Variants in RGS17 observed in about 807,000 individuals in gnomAD.
RGS17 encodes regulator of G protein signaling 17.
A neutral mutation model predicts 25.5 loss-of-function variants in RGS17; 12 were observed. The observed-to-expected ratio is 0.47, with a 90% CI of 0.30 to 0.76. The LOEUF is 0.76. Among genes scored for constraint, RGS17 ranks in the 30% least tolerant of loss-of-function variants. The pLI, the probability that RGS17 is intolerant of heterozygous loss-of-function variation, is 0.07. For missense variants in RGS17, 196 were observed against 242.2 expected, an observed-to-expected ratio of 0.81 and a Z score of 1.27; for synonymous variants, 71 against 76.9, an observed-to-expected ratio of 0.92 and a Z score of 0.40.
intron 4 of RGS17, among the ~76,000 whole-genome samples, 185 bp from the exon 5 acceptor site, chr6:153,011,947 T>TA (rs1554234321): frequency 4.0e-5 from 6 of 151,562 alleles, no homozygotes; most frequent in African/African-American, 1.5e-4. Context: ...TTGCACTAAA[T>TA]AAAAAAATCC....
chr6:153,042,484 A>G (rs372430818), intron 2 of RGS17, among the ~76,000 whole-genome samples: 8 of 152,332 alleles, frequency 5.3e-5, no homozygotes, highest in East Asian at 3.9e-4. Context: ...AATGTAAGAC[A>G]TGCCTTTGCT....
intron 2 of RGS17, among the ~76,000 whole-genome samples, chr6:153,034,025 T>C (rs1776200963): frequency 6.6e-6 from 1 of 152,176 alleles, no homozygotes; most frequent in Admixed American, 6.5e-5. Flanking sequence ...AGTTTCTGAC[T>C]TTAGAAGGCT....
intron 2 of RGS17, among the ~76,000 whole-genome samples, chr6:153,035,564 A>C (rs963931053): frequency 6.6e-6 from 1 of 152,222 alleles, no homozygotes; most frequent in Non-Finnish European, 1.5e-5. Context: ...ATCAGGTGTA[A>C]CACAACTATG....
At chr6:153,015,692 C>T (rs1017274397) in intron 4 of RGS17, among the ~76,000 whole-genome samples, 8 of 150,836 alleles carry the variant, frequency 5.3e-5, no homozygotes, top group Non-Finnish European at 8.8e-5. Flanking sequence ...CTCGCTCTGT[C>T]GCCCAGGCTG....
At chr6:153,021,886 G>C (rs1217718184) in intron 4 of RGS17, among the ~76,000 whole-genome samples, 1 of 152,026 alleles carries the variant, frequency 6.6e-6, no homozygotes, top group Non-Finnish European at 1.5e-5. Flanking sequence ...GTGACTTTCT[G>C]GTGAAACTTG....
At chr6:153,020,991 T>A (rs1779242698) in intron 4 of RGS17, among the ~76,000 whole-genome samples, 1 of 152,196 alleles carries the variant, frequency 6.6e-6, no homozygotes, top group African/African-American at 2.4e-5. Context: ...ATACTCTGAA[T>A]AAATAGAAAC....
At position 153,119,086 on chromosome 6, in the gene RGS17, GATTCT is replaced by G. The variant is rs376131534; in HGVS notation, c.-26+12033_-26+12037del. ...GCCCATTCATGCAGATATGCTCCAGGATTCTATTCTAAGCTCACCTGCTCTCTGCT... is the reference window on the plus strand; with the variant it reads ...GCCCATTCATGCAGATATGCTCCAGGATTCTAAGCTCACCTGCTCTCTGCT... On this transcript the variant is annotated intron_variant, in intron 1 of 4. Transcript: ENST00000206262. Among the ~76,000 whole-genome samples, 27 of 152,150 alleles carry G rather than the reference GATTCT, an allele frequency of 1.8e-4. No homozygotes were observed. In the East Asian group the frequency reaches 5.0e-3, roughly 28 times the overall value.
At chr6:153,129,916 C>A (rs1408321319) in intron 1 of RGS17, among the ~76,000 whole-genome samples, 1 of 152,170 alleles carries the variant, frequency 6.6e-6, no homozygotes, top group Non-Finnish European at 1.5e-5. Context: ...CCGGGCGAGG[C>A]GCAGGGCTCA....
At chr6:153,124,402 T>A (rs1004489596) in intron 1 of RGS17, among the ~76,000 whole-genome samples, 80 of 152,280 alleles carry the variant, frequency 5.3e-4, no homozygotes, top group Admixed American at 2.1e-3. Context: ...ACCTAAACAT[T>A]AATAAGGACC....
intron 2 of RGS17, among the ~76,000 whole-genome samples, chr6:153,040,116 T>C (rs77915256): frequency 1.1e-5 from 1 of 88,322 alleles, no homozygotes; most frequent in Non-Finnish European, 2.3e-5. Context: ...AACCACATCC[T>C]CCTGTTTTCT....
Position 153,024,278 on chromosome 6 carries a change from A to T in RGS17, c.428T>A (p.Ile143Lys). The T allele has an allele frequency of 6.2e-7, 1 of 1,608,786 alleles. No homozygotes were observed. The highest frequency in any genetic ancestry group is 2.2e-5 in the East Asian group (1 of 44,856). ...ARMIYEDYIS[I>K]LSPKEVSLDS... Reference sequence around the variant, plus strand: ...GATTTTTACCTCTTTTGGTGATAGTATAGAAATGTAATCTTCATATATCAT... The same window carrying T: ...GATTTTTACCTCTTTTGGTGATAGTTTAGAAATGTAATCTTCATATATCAT... The change falls in exon 4 of 5, where the codon ATA becomes AAA. Residue 143 changes from isoleucine to lysine, a missense_variant. Transcript: ENST00000206262.
intron 2 of RGS17, among the ~76,000 whole-genome samples, chr6:153,027,990 C>T (rs190451505): frequency 8.3e-4 from 127 of 152,134 alleles, no homozygotes; most frequent in Non-Finnish European, 1.6e-3. Flanking sequence ...AGCGTGAGGA[C>T]GGAGAGAATG....
intron 1 of RGS17, among the ~76,000 whole-genome samples, chr6:153,121,147 A>G (rs1456386125): frequency 6.6e-6 from 1 of 152,168 alleles, no homozygotes; most frequent in Non-Finnish European, 1.5e-5. Context: ...GGAGGCAGAA[A>G]ACAGAAGAGG....
chr6:153,041,445 T>C (rs1287798725), intron 2 of RGS17, among the ~76,000 whole-genome samples: 3 of 152,222 alleles, frequency 2.0e-5, no homozygotes, highest in Non-Finnish European at 4.4e-5. Flanking sequence ...TCTCCATCTA[T>C]TGCCTGTGTA....
chr6:153,008,793 A>T lies in RGS17; in HGVS notation c.*2781T>A, dbSNP rs1376075923. On this transcript the variant is annotated 3_prime_UTR_variant, in exon 5 of 5. Coordinates refer to ENST00000206262, the MANE Select transcript of RGS17 (RefSeq NM_012419.5). ...AAGAAAACAAATATTGTGCTCTTGG[A>T]ATGGTAGCATAGACACCAGTTGAAG... 5 of 152,194 alleles carry T rather than the reference A, an allele frequency of 3.3e-5. No individual in the cohort carries two copies. Among genetic ancestry groups the T allele is most frequent in the Non-Finnish European group, 4.4e-5 (3 of 68,016 alleles). 9.4% of individuals were successfully genotyped at this position (152,194 alleles called of 1,614,324 possible).
At chr6:153,103,390 G>T (rs1777333887) in intron 1 of RGS17, among the ~76,000 whole-genome samples, 1 of 152,154 alleles carries the variant, frequency 6.6e-6, no homozygotes, top group Non-Finnish European at 1.5e-5. Context: ...TTCAGCAGAA[G>T]GCGGGGTGGA....
intron 2 of RGS17, among the ~76,000 whole-genome samples, chr6:153,030,452 A>G (rs1779348265): frequency 6.6e-6 from 1 of 152,238 alleles, no homozygotes; most frequent in Non-Finnish European, 1.5e-5. Context: ...TATTTACAGA[A>G]AAATTAAACT....
intron 1 of RGS17, among the ~76,000 whole-genome samples, chr6:153,061,589 T>C (rs1434823265): frequency 1.3e-5 from 2 of 152,204 alleles, no homozygotes; most frequent in East Asian, 1.9e-4. Flanking sequence ...ATAGTTATTA[T>C]TCATATAATG....
intron 4 of RGS17, among the ~76,000 whole-genome samples, chr6:153,018,394 C>CT (rs748430661): frequency 2.0e-5 from 3 of 152,144 alleles, no homozygotes; most frequent in Non-Finnish European, 4.4e-5. Context: ...CATTTCACCT[C>CT]TTTGAGTATC....
Sources: gnomAD v4.1 joint callset for allele counts (sites outside exome capture counted in the v4.1 genomes callset) on GRCh38, gnomAD v4.1.1 for gene constraint, MANE v1.5 for transcripts, NCBI Gene and HGNC (gene_info 2026-07-23, HGNC 2026-07-21) for gene names.